Variants in PCDH15 observed in about 807,000 individuals in gnomAD.
The protein encoded by PCDH15 is protocadherin related 15.
In PCDH15, 129 loss-of-function variants were observed where a neutral mutation model predicts 178.5. That is an observed-to-expected ratio of 0.72 (90% CI 0.63 to 0.84). PCDH15 has a LOEUF of 0.84. Ranked by LOEUF, PCDH15 falls within the 40% of genes least tolerant of loss-of-function variation. PCDH15 has a pLI of 0.00. For synonymous variants in PCDH15, 800 were observed against 732.0 expected (o/e 1.09, Z -1.50); for missense variants, 2,230 against 2,099.9 (o/e 1.06, Z -1.21).
intron 3 of PCDH15, among the ~76,000 whole-genome samples, chr10:54,455,788 G>T (rs750433554): frequency 1.3e-5 from 2 of 152,036 alleles, no homozygotes; most frequent in Non-Finnish European, 2.9e-5. Flanking sequence ...AAATGGTTTT[G>T]TGCCCCTCTT....
intron 2 of PCDH15, among the ~76,000 whole-genome samples, chr10:55,068,059 T>C (rs920169379): frequency 6.6e-6 from 1 of 152,092 alleles, no homozygotes; most frequent in Non-Finnish European, 1.5e-5. Context: ...GTCTGTTAGT[T>C]TGGCTGTGCA....
intron 3 of PCDH15, among the ~76,000 whole-genome samples, chr10:54,391,900 T>A (rs1300442514): frequency 6.6e-6 from 1 of 152,128 alleles, no homozygotes; most frequent in African/African-American, 2.4e-5. Flanking sequence ...AGAATCTCAA[T>A]CAACAATGGG....
chr10:53,956,042 C>T (rs897075084), intron 23 of PCDH15, among the ~76,000 whole-genome samples: 2 of 151,890 alleles, frequency 1.3e-5, no homozygotes, highest in Non-Finnish European at 2.9e-5. Flanking sequence ...TTTCATATTT[C>T]CATATATTCA....
intron 2 of PCDH15, among the ~76,000 whole-genome samples, chr10:54,584,525 T>G (rs2091308649): frequency 6.6e-6 from 1 of 152,150 alleles, no homozygotes; most frequent in African/African-American, 2.4e-5. Flanking sequence ...AATTATCCCC[T>G]AAATCTATCC....
chr10:54,084,781 T>C (rs2094491773), intron 16 of PCDH15, among the ~76,000 whole-genome samples: 2 of 152,222 alleles, frequency 1.3e-5, no homozygotes, highest in Admixed American at 1.3e-4. Flanking sequence ...TGTATAGGCT[T>C]TGCTTATTTA....
In PCDH15 at chr10:55,076,459, C is replaced by CT. The variant is rs560112084; in HGVS notation, c.-80+90116dup. On this transcript the variant is annotated intron_variant, in intron 2 of 5. Transcript: ENST00000458638. ...TTTTTTTTTTATCTTCTTGGTGACTCTTTTTTTTTGGAGACAGTGTCTCGC... is the reference window on the plus strand; with the variant it reads ...TTTTTTTTTTATCTTCTTGGTGACTCTTTTTTTTTTGGAGACAGTGTCTCGC... 6.8e-3 allele frequency among the ~76,000 whole-genome samples: 982 copies of CT among 145,200 alleles called. 14 individuals carry two copies. Among genetic ancestry groups the CT allele is most frequent in the African/African-American group, 0.023 (892 of 39,500 alleles).
chr10:55,336,124 G>GAAAAAAAAAAAA (rs748988261), intron 2 of PCDH15, among the ~76,000 whole-genome samples: 3 of 59,276 alleles, frequency 5.1e-5, no homozygotes, highest in African/African-American at 1.8e-4. Flanking sequence ...CTTGGTATTT[G>GAAAAAAAAAAAA]AAAAAAAAAA....
intron 2 of PCDH15, among the ~76,000 whole-genome samples, chr10:55,583,901 G>A (rs549974483): frequency 1.5e-4 from 22 of 151,564 alleles, no homozygotes; most frequent in Non-Finnish European, 3.2e-4. Flanking sequence ...TGTTTCAGAC[G>A]GGGTCTTGCT....
intron 1 of PCDH15, among the ~76,000 whole-genome samples, chr10:54,760,018 T>G (rs1296865707): frequency 6.6e-6 from 1 of 152,194 alleles, no homozygotes; most frequent in African/African-American, 2.4e-5. Context: ...TCTCAGCAGA[T>G]AGCGATATAA....
chr10:54,206,034 G>A (rs4245030), intron 10 of PCDH15, among the ~76,000 whole-genome samples: 136,612 of 151,954 alleles, frequency 0.9, 61,575 homozygotes, highest in East Asian at 0.98. Context: ...ATATAACGAC[G>A]AAATAATACT....
intron 1 of PCDH15, among the ~76,000 whole-genome samples, chr10:54,748,850 T>A (rs747341829): frequency 6.6e-6 from 1 of 152,212 alleles, no homozygotes; most frequent in Non-Finnish European, 1.5e-5. Context: ...TGAGAATGTA[T>A]CATTATTCCA....
intron 13 of PCDH15, among the ~76,000 whole-genome samples, chr10:54,182,181 G>A (rs1018294601): frequency 2.6e-5 from 4 of 152,152 alleles, no homozygotes; most frequent in African/African-American, 9.7e-5. Context: ...TGCCCAGGCT[G>A]GTCTCGAGCT....
At chr10:53,936,190 TAA>T (rs2085558389) in intron 25 of PCDH15, among the ~76,000 whole-genome samples, 1 of 152,238 alleles carries the variant, frequency 6.6e-6, no homozygotes, top group South Asian at 2.1e-4. Context: ...GCCTACAGAT[TAA>T]AAGAGACTTA....
At chr10:54,673,863 A>T (rs534937703) in intron 1 of PCDH15, among the ~76,000 whole-genome samples, 2 of 152,192 alleles carry the variant, frequency 1.3e-5, no homozygotes, top group Non-Finnish European at 2.9e-5. Flanking sequence ...TTTAATATGT[A>T]CTTTTTAACA....
At chr10:54,876,924 A>T (rs1954155414) in intron 3 of PCDH15, among the ~76,000 whole-genome samples, 1 of 152,208 alleles carries the variant, frequency 6.6e-6, no homozygotes, top group South Asian at 2.1e-4. Flanking sequence ...TTTGGTTAAA[A>T]TGCTATCAAA....
chr10:54,313,899 T>C lies in PCDH15; in HGVS notation c.876+3372A>G, dbSNP rs192869884. 1.6e-3 allele frequency among the ~76,000 whole-genome samples: 241 copies of C among 152,178 alleles called. 1 individual carries two copies. The highest frequency in any genetic ancestry group is 3.4e-3 in the African/African-American group (142 of 41,564). ...TTTGTAAAATTAAGTTTGTACACTC[T>C]GCTTTTCAAGCAGCAGTCTCTATCT... is the stretch of plus-strand genomic sequence containing the variant. On this transcript the variant is annotated intron_variant, in intron 8 of 37. Coordinates refer to ENST00000644397, the MANE Select transcript of PCDH15 (RefSeq NM_001384140.1).
chr10:54,073,406 CAA>C (rs1158735455), intron 17 of PCDH15, among the ~76,000 whole-genome samples: 19 of 152,090 alleles, frequency 1.2e-4, no homozygotes, highest in East Asian at 3.9e-4. Flanking sequence ...TTTTGAAATT[CAA>C]AGTTACTTTA....
intron 13 of PCDH15, among the ~76,000 whole-genome samples, chr10:54,177,903 G>T (rs1281843230): frequency 1.3e-5 from 2 of 152,142 alleles, no homozygotes; most frequent in Non-Finnish European, 2.9e-5. Flanking sequence ...ACTTTGTCAT[G>T]TCCAGCTGAT....
intron 2 of PCDH15, among the ~76,000 whole-genome samples, chr10:55,034,135 T>C (rs1290444344): frequency 6.6e-6 from 1 of 152,228 alleles, no homozygotes; most frequent in Non-Finnish European, 1.5e-5. Context: ...TATTTCATTA[T>C]TGCAGCCCAA....
Sources: allele counts gnomAD v4.1 joint callset (sites outside exome capture counted in the v4.1 genomes callset), GRCh38; gene constraint gnomAD v4.1.1; transcripts MANE v1.5; gene names NCBI Gene and HGNC (gene_info 2026-07-23, HGNC 2026-07-21).